ST6GALNAC3: variants seen among roughly 807,000 people sequenced by gnomAD.
ST6GALNAC3 encodes the protein alpha-N-acetylgalactosaminide alpha-2,6-sialyltransferase 3.
In ST6GALNAC3, 25 loss-of-function variants were observed where a neutral mutation model predicts 32.7. The observed-to-expected ratio is 0.76, with a 90% CI of 0.56 to 1.07. The LOEUF is 1.07. Ranked by LOEUF, ST6GALNAC3 falls within the 50% of genes least tolerant of loss-of-function variation. The pLI is 0.00. For missense variants in ST6GALNAC3, 355 were observed against 382.4 expected, an observed-to-expected ratio of 0.93 and a Z score of 0.60; for synonymous variants, 129 against 133.1, an observed-to-expected ratio of 0.97 and a Z score of 0.21.
At chr1:76,216,878 C>T (rs1655495541) in intron 1 of ST6GALNAC3, among the ~76,000 whole-genome samples, 1 of 152,112 alleles carries the variant, frequency 6.6e-6, no homozygotes, top group African/African-American at 2.4e-5. Context: ...ATCACTGGCA[C>T]ATAAAGTTGT....
chr1:76,565,996 G>T (rs556515806), intron 3 of ST6GALNAC3, among the ~76,000 whole-genome samples: 29 of 152,164 alleles, frequency 1.9e-4, no homozygotes, highest in Non-Finnish European at 3.4e-4. Context: ...TTGATATTTT[G>T]ATATCACTTA....
intron 3 of ST6GALNAC3, among the ~76,000 whole-genome samples, chr1:76,608,132 G>A (rs1647681342): frequency 6.6e-6 from 1 of 152,124 alleles, no homozygotes; most frequent in African/African-American, 2.4e-5. Flanking sequence ...TGCTTCCCAA[G>A]CCAATGAGGT....
intron 1 of ST6GALNAC3, among the ~76,000 whole-genome samples, chr1:76,154,587 G>C (rs1009786468): frequency 6.6e-6 from 1 of 152,170 alleles, no homozygotes; most frequent in Non-Finnish European, 1.5e-5. Flanking sequence ...AGAAGCATCC[G>C]CCTTGGTAAT....
intron 3 of ST6GALNAC3, among the ~76,000 whole-genome samples, chr1:76,592,725 T>C (rs755131618): frequency 2.0e-5 from 3 of 152,098 alleles, no homozygotes; most frequent in Admixed American, 6.5e-5. Flanking sequence ...AAATTCCTGC[T>C]CTTGCTCAGC....
rs1214926494 is a variant in ST6GALNAC3, at chr1:76,633,360, T to G, written c.*4554T>G. On this transcript the variant is annotated 3_prime_UTR_variant, in exon 5 of 5. Transcript: ENST00000328299. The stretch of plus-strand genomic sequence containing the variant: ...ATCCCCACGCTGAAGTGGAGAAATA[T>G]TTTCATAATTGAAGGAACATATCCC... 2 of 152,218 alleles carry G rather than the reference T, an allele frequency of 1.3e-5. No individual in the cohort carries two copies. Among genetic ancestry groups the G allele is most frequent in the East Asian group, 1.9e-4 (1 of 5,196 alleles). The allele number at this position is 152,218 out of a possible 1,614,324, so 9.4% of individuals were successfully genotyped here.
intron 2 of ST6GALNAC3, among the ~76,000 whole-genome samples, chr1:76,405,677 C>A (rs1653778560): frequency 6.6e-6 from 1 of 151,358 alleles, no homozygotes; most frequent in South Asian, 2.1e-4. Flanking sequence ...TGTATGTGTA[C>A]CAATTTAAAG....
intron 1 of ST6GALNAC3, among the ~76,000 whole-genome samples, chr1:76,249,847 T>C (rs971905708): frequency 2.0e-5 from 3 of 152,198 alleles, no homozygotes; most frequent in African/African-American, 4.8e-5. Context: ...CATTTTTCTG[T>C]TGATTAATAA....
intron 1 of ST6GALNAC3, among the ~76,000 whole-genome samples, chr1:76,297,160 T>C (rs1660452904): frequency 6.6e-6 from 1 of 152,122 alleles, no homozygotes; most frequent in South Asian, 2.1e-4. Flanking sequence ...AATCAGTAGA[T>C]AGGAACTAAT....
At chr1:76,390,940 A>ATG (rs1378202550) in intron 2 of ST6GALNAC3, among the ~76,000 whole-genome samples, 1 of 68,446 alleles carries the variant, frequency 1.5e-5, no homozygotes, top group African/African-American at 4.2e-5. Flanking sequence ...TTATATATAT[A>ATG]TATGTATTTT....
chr1:76,223,176 G>T (rs1014156134), intron 1 of ST6GALNAC3, among the ~76,000 whole-genome samples: 1 of 152,102 alleles, frequency 6.6e-6, no homozygotes, highest in African/African-American at 2.4e-5. Context: ...ATAAAGAAAT[G>T]TGGTACATAT....
intron 1 of ST6GALNAC3, among the ~76,000 whole-genome samples, chr1:76,132,900 A>G (rs989785559): frequency 6.6e-6 from 1 of 152,090 alleles, no homozygotes; most frequent in Non-Finnish European, 1.5e-5. Flanking sequence ...CTTTATCTTA[A>G]TGGCCATAAT....
intron 3 of ST6GALNAC3, among the ~76,000 whole-genome samples, chr1:76,559,894 T>C (rs912659722): frequency 6.6e-6 from 1 of 152,086 alleles, no homozygotes; most frequent in Non-Finnish European, 1.5e-5. Flanking sequence ...TTTAATAATG[T>C]CTCAGGGCAT....
chr1:76,303,232 G>C (rs1293588030), intron 1 of ST6GALNAC3, among the ~76,000 whole-genome samples: 1 of 151,992 alleles, frequency 6.6e-6, no homozygotes, highest in Non-Finnish European at 1.5e-5. Context: ...CTGAAGTGAA[G>C]TTTCATAGGT....
chr1:76,134,489 G>A (rs1649813454), intron 1 of ST6GALNAC3, among the ~76,000 whole-genome samples: 1 of 152,190 alleles, frequency 6.6e-6, no homozygotes, highest in African/African-American at 2.4e-5. Flanking sequence ...GCTGTGGAGG[G>A]GTGTCACACA....
chr1:76,245,390 C>T (rs891438635), intron 1 of ST6GALNAC3, among the ~76,000 whole-genome samples: 1 of 152,002 alleles, frequency 6.6e-6, no homozygotes, highest in African/African-American at 2.4e-5. Context: ...GTCCTGGATT[C>T]ATTGATTTTT....
chr1:76,252,090 C>T (rs143603946), intron 1 of ST6GALNAC3, among the ~76,000 whole-genome samples: 3 of 152,010 alleles, frequency 2.0e-5, no homozygotes, highest in Non-Finnish European at 4.4e-5. Flanking sequence ...GGGAAAAAAA[C>T]CAGAAAAACC....
chr1:76,466,934 TAAAC>T (rs1658673430), intron 3 of ST6GALNAC3, among the ~76,000 whole-genome samples: 1 of 152,076 alleles, frequency 6.6e-6, no homozygotes, highest in Non-Finnish European at 1.5e-5. Flanking sequence ...ATTTTTGTAT[TAAAC>T]AATAAGATCT....
chr1:76,283,502 G>A (rs1324873593), intron 1 of ST6GALNAC3, among the ~76,000 whole-genome samples: 1 of 152,148 alleles, frequency 6.6e-6, no homozygotes, highest in African/African-American at 2.4e-5. Flanking sequence ...TTGGAGGAAG[G>A]CATGAGGGGT....
At chr1:76,337,628 G>A (rs1451053184) in intron 2 of ST6GALNAC3, among the ~76,000 whole-genome samples, 2 of 152,128 alleles carry the variant, frequency 1.3e-5, no homozygotes, top group African/African-American at 4.8e-5. Context: ...GTTAGAAATG[G>A]GGAATCCCCT....
Sources: gnomAD v4.1 joint callset for allele counts (sites outside exome capture counted in the v4.1 genomes callset) on GRCh38, gnomAD v4.1.1 for gene constraint, MANE v1.5 for transcripts, NCBI Gene and HGNC (gene_info 2026-07-23, HGNC 2026-07-21) for gene names.